GPR176: variants seen among roughly 807,000 people sequenced by gnomAD.
The protein encoded by GPR176 is G protein-coupled receptor 176, also known as G-protein coupled receptor 176.
A neutral mutation model predicts 35.4 loss-of-function variants in GPR176; 26 were observed. That is an observed-to-expected ratio of 0.74 (90% CI 0.54 to 1.02). GPR176 has a LOEUF of 1.02. Ranked by LOEUF, GPR176 falls within the 50% of genes least tolerant of loss-of-function variation. The pLI is 0.00. For missense variants in GPR176, 597 were observed against 665.3 expected, an observed-to-expected ratio of 0.90 and a Z score of 1.13; for synonymous variants, 278 against 271.3, an observed-to-expected ratio of 1.02 and a Z score of -0.24.
At chr15:39,904,728 C>A (rs1439979010) in intron 1 of GPR176, among the ~76,000 whole-genome samples, 7 of 152,144 alleles carry the variant, frequency 4.6e-5, no homozygotes, top group African/African-American at 1.4e-4. Context: ...CTGCACTCCC[C>A]GAACTTATGG....
intron 1 of GPR176, among the ~76,000 whole-genome samples, chr15:39,877,074 A>C (rs1395251800): frequency 6.6e-6 from 1 of 152,186 alleles, no homozygotes; most frequent in Admixed American, 6.5e-5. Flanking sequence ...TTAATAAAGC[A>C]ATTAAAAGTC....
chr15:39,862,908 G>A (rs1406636646), intron 1 of GPR176, among the ~76,000 whole-genome samples: 1 of 152,044 alleles, frequency 6.6e-6, no homozygotes, highest in Non-Finnish European at 1.5e-5. Flanking sequence ...TCCAGAAGAA[G>A]GCACCATTAT....
At chr15:39,884,864 T>C (rs2032613180) in intron 1 of GPR176, among the ~76,000 whole-genome samples, 1 of 152,172 alleles carries the variant, frequency 6.6e-6, no homozygotes, top group Non-Finnish European at 1.5e-5. Flanking sequence ...TGGAAGGTAT[T>C]TTTATCTGGG....
At chr15:39,843,061 T>TG in intron 1 of GPR176, among the ~76,000 whole-genome samples, 1 of 142,350 alleles carries the variant, frequency 7.0e-6, no homozygotes, top group African/African-American at 2.6e-5. Flanking sequence ...AAAAAAGTGG[T>TG]GGGGGGAGCT....
intron 1 of GPR176, among the ~76,000 whole-genome samples, chr15:39,820,767 T>C (rs1465852784): frequency 6.6e-6 from 1 of 152,188 alleles, no homozygotes; most frequent in African/African-American, 2.4e-5. Context: ...AATACTTGCT[T>C]TTCTCTCTTT....
intron 1 of GPR176, among the ~76,000 whole-genome samples, chr15:39,887,448 A>G (rs1395189909): frequency 6.6e-6 from 1 of 152,216 alleles, no homozygotes; most frequent in Admixed American, 6.5e-5. Context: ...GCCGCTGTGT[A>G]AAACAGCAGC....
chr15:39,835,914 G>A (rs926297711), intron 1 of GPR176, among the ~76,000 whole-genome samples: 1 of 152,100 alleles, frequency 6.6e-6, no homozygotes, highest in Non-Finnish European at 1.5e-5. Flanking sequence ...GGTCAACATG[G>A]CAAAACCCAG....
intron 2 of GPR176, 39 bp downstream of exon 2, chr15:39,806,967 C>T: frequency 6.5e-7 from 1 of 1,545,228 alleles, no homozygotes; most frequent in Non-Finnish European, 8.7e-7. Context: ...TTTAATACAA[C>T]TTAAAAAAAA....
intron 1 of GPR176, among the ~76,000 whole-genome samples, chr15:39,862,743 A>G (rs377763560): frequency 6.6e-6 from 1 of 152,212 alleles, no homozygotes; most frequent in African/African-American, 2.4e-5. Flanking sequence ...AACAGGTACA[A>G]TTATGCACAG....
chr15:39,820,406 G>A (rs995997986), intron 1 of GPR176, among the ~76,000 whole-genome samples: 1 of 152,178 alleles, frequency 6.6e-6, no homozygotes, highest in East Asian at 1.9e-4. Flanking sequence ...AGCTCAATAA[G>A]AGAATGGAAT....
chr15:39,827,386 G>A (rs1056288103), intron 1 of GPR176, among the ~76,000 whole-genome samples: 2 of 152,120 alleles, frequency 1.3e-5, no homozygotes, highest in African/African-American at 4.8e-5. Context: ...CTCTTATCAG[G>A]CAAAAAAGGA....
chr15:39,824,092 C>T (rs1224609427), intron 1 of GPR176, among the ~76,000 whole-genome samples: 2 of 152,176 alleles, frequency 1.3e-5, no homozygotes, highest in South Asian at 2.1e-4. Context: ...TGGTGGTTCA[C>T]ACAAGAATTG....
chr15:39,822,000 T>C (rs1900305320), intron 1 of GPR176, among the ~76,000 whole-genome samples: 1 of 152,214 alleles, frequency 6.6e-6, no homozygotes, highest in Admixed American at 6.5e-5. Context: ...TCATCTCTTT[T>C]GAATCACTTG....
intron 1 of GPR176, among the ~76,000 whole-genome samples, chr15:39,839,407 T>G (rs866335672): frequency 1.8e-4 from 28 of 152,116 alleles, no homozygotes; most frequent in African/African-American, 5.6e-4. Context: ...AATGGTGCTG[T>G]GAAAATTGGC....
At chr15:39,825,640 C>CAAAA (rs1055295859) in intron 1 of GPR176, among the ~76,000 whole-genome samples, 4 of 151,638 alleles carry the variant, frequency 2.6e-5, no homozygotes, top group Admixed American at 2.6e-4. Flanking sequence ...CCATTATAAA[C>CAAAA]AAAAAAAATT....
At chr15:39,875,742 A>G (rs1048087909) in intron 1 of GPR176, among the ~76,000 whole-genome samples, 3 of 152,118 alleles carry the variant, frequency 2.0e-5, no homozygotes, top group Admixed American at 1.3e-4. Context: ...CATATGTGAA[A>G]ATGTTTTTAA....
intron 1 of GPR176, among the ~76,000 whole-genome samples, chr15:39,865,488 G>C (rs190946511): frequency 1.3e-5 from 2 of 152,102 alleles, no homozygotes; most frequent in African/African-American, 4.8e-5. Flanking sequence ...TTATAAGTGC[G>C]AGTTTAATAA....
chr15:39,886,702 A>G (rs1212507520), intron 1 of GPR176, among the ~76,000 whole-genome samples: 1 of 152,262 alleles, frequency 6.6e-6, no homozygotes, highest in East Asian at 1.9e-4. Context: ...GTTCCATAAT[A>G]TAACATTAGG....
intron 1 of GPR176, among the ~76,000 whole-genome samples, chr15:39,852,836 C>G (rs1350489315): frequency 6.6e-6 from 1 of 152,088 alleles, no homozygotes; most frequent in Non-Finnish European, 1.5e-5. Flanking sequence ...TAATATTTGG[C>G]ACATAATAGG....
Sources: allele counts gnomAD v4.1 joint callset (sites outside exome capture counted in the v4.1 genomes callset), GRCh38; gene constraint gnomAD v4.1.1; transcripts MANE v1.5; gene names NCBI Gene and HGNC (gene_info 2026-07-23, HGNC 2026-07-21).